The following F12 variants were observed in gnomAD, a reference collection of about 807,000 sequenced individuals.
F12 encodes the protein coagulation factor XII.
F12 carries 70 observed loss-of-function variants against 74.8 expected under a neutral mutation model. The observed-to-expected ratio is 0.94, with a 90% CI of 0.77 to 1.14. F12 has a LOEUF of 1.14. Among genes scored for constraint, F12 ranks in the 50% most tolerant of loss-of-function variants. F12 has a pLI of 0.00. For synonymous variants in F12, 373 were observed against 356.4 expected, an observed-to-expected ratio of 1.05 and a Z score of -0.52; for missense variants, 811 against 835.7, an observed-to-expected ratio of 0.97 and a Z score of 0.36.
At position 177,405,778 on chromosome 5, in the gene F12, C is replaced by T; in HGVS notation, c.243G>A (p.Gln81=). 6.2e-7 allele frequency: 1 copy of T among 1,614,208 alleles called. No individual in the cohort carries two copies. The highest frequency in any genetic ancestry group is 8.5e-7 in the Non-Finnish European group (1 of 1,180,032). The change falls in exon 4 of 14, where the codon CAG becomes CAA. Residue 81 remains glutamine, a synonymous_variant. Transcript: ENST00000253496. ...PWCATTPNFD[Q]DQRWGYCLEP... ...CCAAACAGTATCCCCATCGCTGGTC[C>T]TGATCAAAGTTGGGGGTGGTAGCAC...
Position 177,404,871 on chromosome 5 carries a change from C to T in F12, c.573G>A (p.Glu191=), listed in dbSNP as rs771881272. 1.2e-6 allele frequency: 2 copies of T among 1,609,312 alleles called. No homozygotes were observed. Among genetic ancestry groups the T allele is most frequent in the African/African-American group, 1.3e-5 (1 of 74,870 alleles). ...AGTGGCACAGGCGGTGGCCCTCCAC[C>T]TCTAGGCAGCGACCCCCATGGAGGC... is the stretch of plus-strand genomic sequence containing the variant. ...NPCLHGGRCL[E]VEGHRLCHCP... is the part of the protein sequence containing the mutation. Residue 191 remains glutamate (E), a synonymous_variant, in exon 7 of 14, where the codon GAG becomes GAA. Transcript: ENST00000253496.
rs1763213216 is a variant in F12, at chr5:177,403,951, G to A, written c.1158C>T (p.Tyr386=). 1.2e-6 allele frequency: 2 copies of A among 1,601,476 alleles called. No homozygotes were observed. The change falls in exon 10 of 14, where the codon TAC becomes TAT. Residue 386 remains tyrosine (Y), a synonymous_variant. Coordinates refer to ENST00000253496, the MANE Select transcript of F12 (RefSeq NM_000505.4). The part of the protein sequence containing the change: ...GLVALRGAHP[Y]IAALYWGHSF... ...TGTGGCCCCAGTACAGCGCGGCGAT[G>A]TAGGGGTGCGCCCCGCGTAGCGCCA...
rs756980012 is a variant in F12 at position 177,402,416 on chromosome 5, T to C, written c.1724A>G (p.Glu575Gly). The C allele has an allele frequency of 3.1e-6, 5 of 1,612,552 alleles. No homozygotes were observed. In the Admixed American group the frequency reaches 5.0e-5, roughly 16 times the overall value. ...GATGCCTTGCAGGGTGAGCCGGCGC[T>C]CTGCAGCTTGGTCCTCACACACCAG... is the stretch of plus-strand genomic sequence containing the variant. ...GPLVCEDQAAERRLTLQGIIS... is the reference protein window; with the variant it reads ...GPLVCEDQAAGRRLTLQGIIS... Residue 575 changes from glutamate (E) to glycine (G), a missense_variant, in exon 14 of 14, where the codon GAG becomes GGG. By Grantham distance (98) the Glu-to-Gly change is moderately conservative. Coordinates refer to ENST00000253496, the MANE Select transcript of F12 (RefSeq NM_000505.4).
In F12 at chr5:177,405,373, C is replaced by T. The variant is rs1763265692; in HGVS notation, c.347G>A (p.Gly116Asp). The T allele has an allele frequency of 1.9e-6, 3 of 1,614,028 alleles. No homozygotes were observed. Among genetic ancestry groups the T allele is most frequent in the Non-Finnish European group, 1.7e-6 (2 of 1,180,024 alleles). Reference protein sequence around the residue: ...KGGTCVNMPSGPHCLCPQHLT... With the variant: ...KGGTCVNMPSDPHCLCPQHLT... ...GTGTTGTGGACAGAGACAGTGGGGG[C>T]CGCTTGGCATGTTCACACAGGTCCC... is the stretch of plus-strand genomic sequence containing the variant. Residue 116 changes from glycine to aspartate, a missense_variant, in exon 5 of 14, where the codon GGC becomes GAC. Gly to Asp is a moderately conservative substitution (Grantham distance 94). Transcript: ENST00000253496.
In F12 at chr5:177,403,637, G is replaced by C; in HGVS notation, c.1251-20C>G. 6.3e-7 allele frequency: 1 copy of C among 1,598,426 alleles called. No homozygotes were observed. Among genetic ancestry groups the C allele is most frequent in the South Asian group, 1.1e-5 (1 of 90,728 alleles). ...GCGGGCCTGCGGGGGGGGTAGGGGA[G>C]AGGCAGCGCTCTCAGACCTGGCCAC... On this transcript the variant is annotated intron_variant, in intron 10 of 13. Coordinates refer to ENST00000253496, the MANE Select transcript of F12 (RefSeq NM_000505.4).
At chr5:177,405,290 A>G (rs960620418) in intron 5 of F12, 33 bp downstream of exon 5, 1 of 1,613,730 alleles carries the variant, frequency 6.2e-7, no homozygotes, top group Non-Finnish European at 8.5e-7. Context: ...CCTGTCCCCC[A>G]GCACCCCGCC....
At chr5:177,406,908 T>C (rs1763308913) in intron 2 of F12, among the ~76,000 whole-genome samples, 1 of 152,252 alleles carries the variant, frequency 6.6e-6, no homozygotes, top group African/African-American at 2.4e-5. Context: ...GTTTCAGCTC[T>C]CCTATTGAAT....
intron 2 of F12, among the ~76,000 whole-genome samples, chr5:177,406,909 C>T (rs1763308953): frequency 6.6e-6 from 1 of 152,214 alleles, no homozygotes; most frequent in African/African-American, 2.4e-5. Context: ...TTTCAGCTCT[C>T]CTATTGAATG....
rs17876035 is a variant in F12 at position 177,402,327 on chromosome 5, A to G, written c.1813T>C (p.Tyr605His). 45 of 1,613,760 alleles carry G rather than the reference A, an allele frequency of 2.8e-5. No individual in the cohort carries two copies. The highest frequency in any genetic ancestry group is 4.0e-5 in the African/African-American group (3 of 74,952). Residue 605 changes from tyrosine to histidine, a missense_variant, in exon 14 of 14, where the codon TAC (tyrosine) becomes CAC (histidine). Physicochemically the swap from Tyr to His is moderately conservative, Grantham distance 83. Coordinates refer to ENST00000253496, the MANE Select transcript of F12 (RefSeq NM_000505.4). ...GTGTGCTCCCGGATCCAGGCCAGGTAGTAGGCCACATCGGTGTAGACGCCT... is the reference window on the plus strand; with the variant it reads ...GTGTGCTCCCGGATCCAGGCCAGGTGGTAGGCCACATCGGTGTAGACGCCT... The part of the protein sequence containing the change: ...KPGVYTDVAY[Y>H]LAWIREHTVS
intron 12 of F12, chr5:177,402,964 G>T (rs951202093): frequency 1.8e-5 from 12 of 667,990 alleles, no homozygotes; most frequent in Non-Finnish European, 3.0e-5. Flanking sequence ...TCCCACACTA[G>T]CCCGGAGCGC....
rs1763153506 is a variant in F12 at position 177,402,322 on chromosome 5, C to G, written c.1818G>C (p.Leu606=). 1 of 1,613,718 alleles carries G rather than the reference C, an allele frequency of 6.2e-7. No homozygotes were observed. Among genetic ancestry groups the G allele is most frequent in the African/African-American group, 1.3e-5 (1 of 74,930 alleles). The change falls in exon 14 of 14, where the codon CTG becomes CTC. Residue 606 remains leucine, a synonymous_variant. Transcript: ENST00000253496. ...PGVYTDVAYY[L]AWIREHTVS ...AAACGGTGTGCTCCCGGATCCAGGC[C>G]AGGTAGTAGGCCACATCGGTGTAGA...
chr5:177,404,814 G>GT lies in F12; in HGVS notation c.629dup (p.Asp210GlufsTer10). 1.9e-6 allele frequency: 3 copies of GT among 1,605,504 alleles called. No individual in the cohort carries two copies. The highest frequency in any genetic ancestry group is 2.5e-6 in the Non-Finnish European group (3 of 1,176,986). ...TTGCCCCAGACCCTCACTCACCCAC[G>GT]TCGCAGAAGGCTCCGGTGTAGCCCA... On this transcript the variant is annotated frameshift_variant, in exon 7 of 14. Transcript: ENST00000253496. LOFTEE classifies it high-confidence loss of function.
intron 2 of F12, among the ~76,000 whole-genome samples, 160 bp from the exon 3 acceptor site, chr5:177,406,221 G>A (rs896297857): frequency 1.3e-5 from 2 of 152,230 alleles, no homozygotes; most frequent in Non-Finnish European, 1.5e-5. Flanking sequence ...GGGCGCGGTG[G>A]CTCAAGCCTG....
chr5:177,403,135 A>G, intron 12 of F12, 119 bp downstream of exon 12: 2 of 1,324,548 alleles, frequency 1.5e-6, no homozygotes, highest in Non-Finnish European at 2.1e-6. Flanking sequence ...ACAACCCATC[A>G]GGTCAGCGCC....
At chr5:177,409,345 T>C in intron 1 of F12, 126 bp downstream of exon 1, 1 of 1,222,478 alleles carries the variant, frequency 8.2e-7, no homozygotes, top group South Asian at 1.3e-5. Flanking sequence ...CGGGCTGGCC[T>C]CACCTTTCCA....
chr5:177,406,317 T>TGC (rs1763292960), intron 2 of F12, among the ~76,000 whole-genome samples: 5 of 152,030 alleles, frequency 3.3e-5, no homozygotes, highest in Non-Finnish European at 5.9e-5. Context: ...TGAAACCCCC[T>TGC]CTCTACTAAA....
intron 2 of F12, among the ~76,000 whole-genome samples, chr5:177,408,744 C>T (rs963348125): frequency 2.2e-4 from 34 of 152,328 alleles, no homozygotes; most frequent in African/African-American, 6.3e-4. Flanking sequence ...GCCCATGAGA[C>T]GTACTGGGGA....
chr5:177,404,040 G>A lies in F12; in HGVS notation c.1069C>T (p.Leu357=), dbSNP rs1194374691. The stretch of plus-strand genomic sequence containing the variant: ...TTGCGGAGCCGCTGCCCGCAGCTCA[G>A]TGGGCCGTTCCTGGTCAGGGAAGGC... ...QPPSLTRNGP[L]SCGQRLRKSL... Residue 357 remains leucine (L), a synonymous_variant, in exon 10 of 14, where the codon CTG becomes TTG. Coordinates refer to ENST00000253496, the MANE Select transcript of F12 (RefSeq NM_000505.4). 3 of 1,602,386 alleles carry A rather than the reference G, an allele frequency of 1.9e-6. No individual in the cohort carries two copies. In the Admixed American group the frequency reaches 5.0e-5, roughly 27 times the overall value.
intron 3 of F12, 58 bp from the exon 4 acceptor site, chr5:177,405,863 A>G (rs1763277660): frequency 3.1e-6 from 5 of 1,603,582 alleles, no homozygotes; most frequent in African/African-American, 1.3e-5. Context: ...ACCCTGCCCT[A>G]TCACAGTCCC....
Sources: gnomAD v4.1 joint callset for allele counts (sites outside exome capture counted in the v4.1 genomes callset) on GRCh38, gnomAD v4.1.1 for gene constraint, MANE v1.5 for transcripts, NCBI Gene and HGNC (gene_info 2026-07-23, HGNC 2026-07-21) for gene names.